The following ATXN7L1 variants were observed in gnomAD, a reference collection of about 807,000 sequenced individuals.
ATXN7L1 encodes the protein ataxin 7 like 1.
ATXN7L1 carries 15 observed loss-of-function variants against 70.8 expected under a neutral mutation model. The observed-to-expected ratio is 0.21, with a 90% CI of 0.14 to 0.33. The LOEUF is 0.33. Ranked by LOEUF, ATXN7L1 falls within the 10% of genes least tolerant of loss-of-function variation. The pLI is 1.00. For missense variants in ATXN7L1, 975 were observed against 1,097.1 expected, an observed-to-expected ratio of 0.89 and a Z score of 1.57; for synonymous variants, 440 against 445.1, an observed-to-expected ratio of 0.99 and a Z score of 0.14.
intron 2 of ATXN7L1, among the ~76,000 whole-genome samples, chr7:105,803,358 G>T (rs536501525): frequency 3.7e-4 from 57 of 152,344 alleles, no homozygotes; most frequent in Non-Finnish European, 6.5e-4. Context: ...GGCCTGCTGG[G>T]ACCCCATGAG....
At chr7:105,677,876 G>T (rs1804939661) in intron 3 of ATXN7L1, 2 of 901,524 alleles carry the variant, frequency 2.2e-6, no homozygotes, top group Non-Finnish European at 2.7e-6. Context: ...CAGGGCCATG[G>T]TCTCTTATAA....
chr7:105,767,585 A>G (rs2116429786), intron 3 of ATXN7L1, among the ~76,000 whole-genome samples: 1 of 152,290 alleles, frequency 6.6e-6, no homozygotes, highest in Admixed American at 6.5e-5. Context: ...GTTCTCCTAC[A>G]TGTTGCAGTC....
chr7:105,736,111 G>A (rs1797344064), intron 3 of ATXN7L1, among the ~76,000 whole-genome samples: 2 of 152,180 alleles, frequency 1.3e-5, no homozygotes, highest in South Asian at 4.1e-4. Flanking sequence ...AACCACTGGA[G>A]AAATAGGATC....
intron 4 of ATXN7L1, among the ~76,000 whole-genome samples, chr7:105,647,798 G>A (rs541413738): frequency 2.6e-5 from 4 of 152,352 alleles, no homozygotes; most frequent in South Asian, 2.1e-4. Flanking sequence ...ATTTGGAACC[G>A]TGCCAGTTGA....
intron 3 of ATXN7L1, chr7:105,760,109 C>T (rs1055484463): frequency 7.1e-6 from 6 of 845,038 alleles, no homozygotes; most frequent in African/African-American, 3.7e-5. Flanking sequence ...TTCCATCATG[C>T]TTTCCATATG....
Position 105,614,016 on chromosome 7 carries a change from T to A in ATXN7L1, c.2318A>T (p.Asp773Val). 1 of 1,551,968 alleles carries A rather than the reference T, an allele frequency of 6.4e-7. No homozygotes were observed. The highest frequency in any genetic ancestry group is 8.7e-7 in the Non-Finnish European group (1 of 1,147,050). The change falls in exon 10 of 12, where the codon GAC (aspartate) becomes GTC (valine). Residue 773 changes from aspartate to valine, a missense_variant. Physicochemically the swap from Asp to Val is radical, Grantham distance 152. Transcript: ENST00000419735. The surrounding 1 kb of genome is among the most constrained non-coding windows in gnomAD (Gnocchi z 4.3). ...NAVSSLPLSF[D>V]KSEGKKRKNS... is the part of the protein sequence containing the mutation. ...CTTACGCTTTTTTCCTTCTGATTTG[T>A]CAAAAGAGAGGGGCAGAGAAGACAC... is the stretch of plus-strand genomic sequence containing the variant.
intron 3 of ATXN7L1, among the ~76,000 whole-genome samples, chr7:105,700,157 G>A (rs1013041541): frequency 2.0e-5 from 3 of 152,064 alleles, no homozygotes; most frequent in African/African-American, 7.2e-5. Context: ...ATGTGCACAC[G>A]ATGTTTTCTT....
intron 3 of ATXN7L1, among the ~76,000 whole-genome samples, chr7:105,736,567 G>C (rs1797400381): frequency 6.6e-6 from 1 of 152,162 alleles, no homozygotes. Context: ...CCAAAGAATG[G>C]CTCTCTTACC....
chr7:105,651,514 A>G (rs955707910), intron 4 of ATXN7L1, among the ~76,000 whole-genome samples: 2 of 152,186 alleles, frequency 1.3e-5, no homozygotes, highest in Admixed American at 1.3e-4. Context: ...AGGGGTGGAC[A>G]GGGTGGAGGC....
chr7:105,620,730 A>G (rs113266046), intron 8 of ATXN7L1, among the ~76,000 whole-genome samples: 14,022 of 152,030 alleles, frequency 0.092, 709 homozygotes, highest in Middle Eastern at 0.17. Context: ...CCCCGTTTCT[A>G]CTAAAAATAC....
At chr7:105,612,978 T>A (rs1019997797) in intron 10 of ATXN7L1, among the ~76,000 whole-genome samples, 7 of 152,106 alleles carry the variant, frequency 4.6e-5, no homozygotes, top group African/African-American at 1.4e-4. Context: ...CCGGGCAGGT[T>A]GGCCGGCCCT....
At chr7:105,624,649 C>CAAAAAA (rs386410908) in intron 7 of ATXN7L1, among the ~76,000 whole-genome samples, 2 of 114,934 alleles carry the variant, frequency 1.7e-5, no homozygotes, top group East Asian at 2.6e-4. Flanking sequence ...GACTCTGTCT[C>CAAAAAA]AAAAAAAAAA....
At chr7:105,651,924 C>T (rs1282136430) in intron 4 of ATXN7L1, among the ~76,000 whole-genome samples, 1 of 152,150 alleles carries the variant, frequency 6.6e-6, no homozygotes, top group East Asian at 1.9e-4. Context: ...TTTCTGGAAG[C>T]AGGAGGCCCC....
chr7:105,682,821 G>A (rs1805708583), intron 3 of ATXN7L1, among the ~76,000 whole-genome samples: 1 of 152,170 alleles, frequency 6.6e-6, no homozygotes, highest in African/African-American at 2.4e-5. Flanking sequence ...TGGGTATGAG[G>A]TTTTATTTTG....
intron 3 of ATXN7L1, among the ~76,000 whole-genome samples, chr7:105,787,680 A>G (rs577488971): frequency 1.3e-5 from 2 of 152,302 alleles, no homozygotes; most frequent in African/African-American, 4.8e-5. Flanking sequence ...GAAAGGGGAA[A>G]TGTGCGTAAT....
chr7:105,664,475 AATATATGTATAC>A (rs1427014552), intron 4 of ATXN7L1, among the ~76,000 whole-genome samples: 5 of 146,788 alleles, frequency 3.4e-5, no homozygotes, highest in Admixed American at 1.4e-4. Context: ...GTATATGTAT[AATATATGTATAC>A]ATATATGTAT....
At chr7:105,820,126 CAAAAAAAAAAAAA>C (rs562797891) in intron 2 of ATXN7L1, 44 of 64,280 alleles carry the variant, frequency 6.8e-4, no homozygotes, top group South Asian at 2.0e-3. Flanking sequence ...GTTTATTCCT[CAAAAAAAAAAAAA>C]AAAAAAAAAA....
intron 3 of ATXN7L1, among the ~76,000 whole-genome samples, chr7:105,733,424 G>A (rs1266129299): frequency 6.6e-6 from 1 of 151,992 alleles, no homozygotes; most frequent in Non-Finnish European, 1.5e-5. Context: ...TCAAAGCATT[G>A]TAGTGGGCAT....
chr7:105,813,674 CCTTT>C (rs1433686375), intron 2 of ATXN7L1, among the ~76,000 whole-genome samples: 4 of 152,164 alleles, frequency 2.6e-5, no homozygotes, highest in Non-Finnish European at 5.9e-5. Context: ...CTAGACTCTT[CCTTT>C]ATCTGTAAAT....
Sources: allele counts gnomAD v4.1 joint callset (sites outside exome capture counted in the v4.1 genomes callset), GRCh38; gene constraint gnomAD v4.1.1; non-coding constraint Gnocchi (gnomAD v3.1); transcripts MANE v1.5; gene names NCBI Gene and HGNC (gene_info 2026-07-23, HGNC 2026-07-21).